GLUD1: variants seen among roughly 807,000 people sequenced by gnomAD.
GLUD1 encodes glutamate dehydrogenase 1, mitochondrial.
Under a neutral mutation model 56.0 loss-of-function variants are expected in GLUD1, and 22 were observed. The observed-to-expected ratio is 0.39, with a 90% CI of 0.28 to 0.56. The LOEUF (loss-of-function observed/expected upper bound fraction) is 0.56. Among genes scored for constraint, GLUD1 ranks in the 20% least tolerant of loss-of-function variants. The probability of loss-of-function intolerance (pLI) is 0.58; values close to 1 mark genes in which losing one functional copy is unlikely to be tolerated. For synonymous variants in GLUD1, 223 were observed against 269.9 expected, an observed-to-expected ratio of 0.83 and a Z score of 1.70; for missense variants, 451 against 732.0, an observed-to-expected ratio of 0.62 and a Z score of 4.43.
intron 9 of GLUD1, 101 bp downstream of exon 9, chr10:87,060,060 A>G (rs1564764837): frequency 5.0e-6 from 4 of 802,242 alleles, no homozygotes; most frequent in African/African-American, 1.7e-5. Flanking sequence ...TGAATTCACT[A>G]GAGCTTGGAG....
rs1419597225 is a variant in GLUD1, at chr10:87,076,676, A to T, written c.446-20T>A. 3 of 1,453,648 alleles carry T rather than the reference A, an allele frequency of 2.1e-6. No homozygotes were observed. The highest frequency in any genetic ancestry group is 2.9e-6 in the Non-Finnish European group (3 of 1,033,276). The allele number at this position is 1,453,648 out of a possible 1,614,324, so 90.0% of individuals were successfully genotyped here. ...GGATACCTGGTGGTGTTTTTAAAAA[A>T]ATGTGTTGGGGTGGGTGAGAAAGAA... On this transcript the variant is annotated intron_variant, in intron 1 of 12. Transcript: ENST00000277865.
intron 11 of GLUD1, among the ~76,000 whole-genome samples, chr10:87,055,696 G>A (rs1037303871): frequency 6.6e-6 from 1 of 151,734 alleles, no homozygotes; most frequent in African/African-American, 2.4e-5. Flanking sequence ...GAAGTTTACT[G>A]AGGGGAACGG....
At position 87,051,758 on chromosome 10, in the gene GLUD1, A is replaced by C; in HGVS notation, c.1670T>G (p.Phe557Cys). 1 of 1,612,538 alleles carries C rather than the reference A, an allele frequency of 6.2e-7. No homozygotes were observed. The highest frequency in any genetic ancestry group is 8.5e-7 in the Non-Finnish European group (1 of 1,179,956). The change falls in exon 13 of 13, where the codon TTC (phenylalanine) becomes TGC (cysteine). Residue 557 changes from phenylalanine (F) to cysteine (C), a missense_variant. Transcript: ENST00000277865. ...FKVYNEAGVT[F>C]T ...AAGTCAGCCATGATCCATCTATGTG[A>C]AGGTCACACCAGCTTCATTGTACAC...
intron 1 of GLUD1, among the ~76,000 whole-genome samples, chr10:87,080,547 G>A (rs1185483783): frequency 1.3e-5 from 2 of 151,366 alleles, no homozygotes; most frequent in South Asian, 2.1e-4. Context: ...GTCTCTGCCC[G>A]GCCGCCCATC....
chr10:87,094,259 A>T lies in GLUD1; in HGVS notation c.445+66T>A. 6.6e-7 allele frequency: 1 copy of T among 1,514,416 alleles called. No individual in the cohort carries two copies. The allele number at this position is 1,514,416 out of a possible 1,614,324, so 93.8% of individuals were successfully genotyped here. A position where few individuals can be genotyped will look rare whatever the true frequency, so the allele number is the denominator to read the frequency against. ...GGCTGAGCAGCGGCCCCGCACCGGC[A>T]GGAGGCCGGAGGGGAGGGCCGCAGG... On this transcript the variant is annotated intron_variant, in intron 1 of 12. Transcript: ENST00000277865. The surrounding 1 kb of genome is among the most constrained non-coding windows in gnomAD (Gnocchi z 6.6).
intron 1 of GLUD1, among the ~76,000 whole-genome samples, chr10:87,081,889 T>C (rs1320167000): frequency 6.9e-6 from 1 of 145,370 alleles, no homozygotes; most frequent in African/African-American, 2.6e-5. Context: ...CCCTCCACTA[T>C]TGTCCTATGA....
intron 6 of GLUD1, 97 bp downstream of exon 6, chr10:87,062,559 A>G (rs1845963960): frequency 1.0e-6 from 1 of 969,180 alleles, no homozygotes; most frequent in African/African-American, 1.6e-5. Flanking sequence ...AAGAGATTTG[A>G]GATAACTTAA....
intron 1 of GLUD1, chr10:87,093,848 G>A (rs1841615391): frequency 9.1e-7 from 1 of 1,102,592 alleles, no homozygotes; most frequent in South Asian, 1.3e-5. Flanking sequence ...CATTTTCTAT[G>A]TTCGGATATC....
chr10:87,093,976 C>A (rs1589392522), intron 1 of GLUD1: 2 of 1,416,566 alleles, frequency 1.4e-6, no homozygotes, highest in East Asian at 6.7e-5. Context: ...ACGGGCAGGT[C>A]ATTCCCTTTC....
chr10:87,065,714 T>C (rs1228724944), intron 5 of GLUD1, among the ~76,000 whole-genome samples: 1 of 152,222 alleles, frequency 6.6e-6, no homozygotes, highest in East Asian at 1.9e-4. Flanking sequence ...ATTTACCTGA[T>C]GTAATACCTA....
At chr10:87,063,498 A>G (rs1390287680) in intron 5 of GLUD1, among the ~76,000 whole-genome samples, 1 of 152,214 alleles carries the variant, frequency 6.6e-6, no homozygotes. Context: ...CAAGTATTTA[A>G]GCACTACTAA....
At chr10:87,093,706 G>A (rs1841604898) in intron 1 of GLUD1, among the ~76,000 whole-genome samples, 1 of 152,034 alleles carries the variant, frequency 6.6e-6, no homozygotes, top group South Asian at 2.1e-4. Flanking sequence ...ATTTTTTTGT[G>A]TTTTTCCTTT....
intron 12 of GLUD1, 70 bp downstream of exon 12, chr10:87,053,272 G>T: frequency 1.0e-6 from 1 of 966,388 alleles, no homozygotes; most frequent in Non-Finnish European, 1.7e-6. Context: ...ACAGTCTGGC[G>T]GCTGAGATAG....
chr10:87,091,996 A>G (rs1344014886), intron 1 of GLUD1, among the ~76,000 whole-genome samples: 1 of 152,200 alleles, frequency 6.6e-6, no homozygotes, highest in Non-Finnish European at 1.5e-5. Flanking sequence ...AAAAATCTCA[A>G]TCACCTAATA....
At chr10:87,065,445 A>C (rs1047784344) in intron 5 of GLUD1, among the ~76,000 whole-genome samples, 4 of 152,166 alleles carry the variant, frequency 2.6e-5, no homozygotes, top group African/African-American at 9.7e-5. Flanking sequence ...TATATTGAAT[A>C]GTGCAAACCA....
At chr10:87,076,302 A>C (rs1846392696) in intron 2 of GLUD1, among the ~76,000 whole-genome samples, 1 of 152,140 alleles carries the variant, frequency 6.6e-6, no homozygotes, top group African/African-American at 2.4e-5. Context: ...CTTCTACTAT[A>C]ATTTGGTCTT....
chr10:87,050,805 A>G lies in GLUD1; in HGVS notation c.*946T>C, dbSNP rs1320670444. ...ATTGGCAATGCTCAGAGCCAGCCAG[A>G]CTCCAAACAGGGAGCCCAAGTGGTT... On this transcript the variant is annotated 3_prime_UTR_variant, in exon 13 of 13. Coordinates refer to ENST00000277865, the MANE Select transcript of GLUD1 (RefSeq NM_005271.5). The G allele has an allele frequency of 1.3e-5, 2 of 152,202 alleles. No homozygotes were observed. The highest frequency in any genetic ancestry group is 4.8e-5 in the African/African-American group (2 of 41,452). The allele number at this position is 152,202 out of a possible 1,614,324, so 9.4% of individuals were successfully genotyped here. A position where few individuals can be genotyped will look rare whatever the true frequency, so the allele number is the denominator to read the frequency against.
At chr10:87,063,046 C>T (rs931452068) in intron 5 of GLUD1, among the ~76,000 whole-genome samples, 3 of 144,280 alleles carry the variant, frequency 2.1e-5, no homozygotes, top group African/African-American at 5.4e-5. Flanking sequence ...ATAAAATATA[C>T]TATATTTTCT....
chr10:87,079,685 G>A (rs901754567), intron 1 of GLUD1, among the ~76,000 whole-genome samples: 9 of 152,130 alleles, frequency 5.9e-5, no homozygotes, highest in Non-Finnish European at 1.0e-4. Context: ...AATCTGGCAC[G>A]GTGCCCTGCA....
Sources: allele counts gnomAD v4.1 joint callset (sites outside exome capture counted in the v4.1 genomes callset), GRCh38; gene constraint gnomAD v4.1.1; non-coding constraint Gnocchi (gnomAD v3.1); transcripts MANE v1.5; gene names NCBI Gene and HGNC (gene_info 2026-07-23, HGNC 2026-07-21).